The following ADGRL3 variants were observed in gnomAD, a reference collection of about 807,000 sequenced individuals.
ADGRL3 encodes calcium-independent alpha-latrotoxin receptor 3.
ADGRL3 carries 62 observed loss-of-function variants against 153.5 expected under a neutral mutation model. That is an observed-to-expected ratio of 0.40 (90% CI 0.33 to 0.50). The LOEUF (loss-of-function observed/expected upper bound fraction) is 0.50, where lower values mean the gene tolerates loss of function less well. Among genes scored for constraint, ADGRL3 ranks in the 20% least tolerant of loss-of-function variants. The pLI is 0.47. For synonymous variants in ADGRL3, 710 were observed against 672.5 expected, an observed-to-expected ratio of 1.06 and a Z score of -0.86; for missense variants, 1,641 against 1,859.4, an observed-to-expected ratio of 0.88 and a Z score of 2.16.
At chr4:61,294,101 C>T (rs2094322632) in intron 1 of ADGRL3, among the ~76,000 whole-genome samples, 1 of 152,066 alleles carries the variant, frequency 6.6e-6, no homozygotes, top group Admixed American at 6.6e-5. Flanking sequence ...GAAAATACTT[C>T]GAAATTGGAA....
intron 6 of ADGRL3, among the ~76,000 whole-genome samples, chr4:61,728,553 A>G (rs1192866460): frequency 1.3e-5 from 2 of 152,120 alleles, no homozygotes; most frequent in Non-Finnish European, 2.9e-5. Context: ...AGAAGTTAAG[A>G]TATTTCCACT....
intron 25 of ADGRL3, among the ~76,000 whole-genome samples, chr4:62,045,631 A>G (rs2058764): frequency 0.88 from 133,348 of 151,874 alleles, 59,482 homozygotes; most frequent in Non-Finnish European, 0.95. Flanking sequence ...AAGAAGTTAG[A>G]ACGGGCAGTG....
chr4:61,960,710 T>C (rs966358392), intron 17 of ADGRL3, among the ~76,000 whole-genome samples: 8 of 152,094 alleles, frequency 5.3e-5, no homozygotes, highest in Non-Finnish European at 8.8e-5. Flanking sequence ...TTTTGTTTTG[T>C]TTTGTTTTAT....
chr4:61,691,030 A>C (rs1000543177), intron 6 of ADGRL3, among the ~76,000 whole-genome samples: 5 of 152,198 alleles, frequency 3.3e-5, no homozygotes, highest in Admixed American at 6.5e-5. Context: ...ACTGCTCTGC[A>C]ACAGATGGCT....
chr4:61,897,086 T>C (rs1472923942), intron 11 of ADGRL3, among the ~76,000 whole-genome samples: 3 of 152,234 alleles, frequency 2.0e-5, no homozygotes, highest in South Asian at 2.1e-4. Context: ...TTTTCTTTTC[T>C]CTGCAGCCCA....
chr4:61,889,634 T>C (rs1419207371), intron 9 of ADGRL3, among the ~76,000 whole-genome samples: 2 of 152,356 alleles, frequency 1.3e-5, no homozygotes, highest in African/African-American at 4.8e-5. Flanking sequence ...GTGCTGTTGT[T>C]AAATTATGTT....
chr4:62,064,136 G>T (rs549365071), intron 25 of ADGRL3, among the ~76,000 whole-genome samples: 1 of 152,180 alleles, frequency 6.6e-6, no homozygotes, highest in South Asian at 2.1e-4. Context: ...ATTGAACTAA[G>T]CAGTGGAGGA....
chr4:61,526,164 A>G (rs1020321884), intron 4 of ADGRL3, among the ~76,000 whole-genome samples: 1 of 152,156 alleles, frequency 6.6e-6, no homozygotes, highest in African/African-American at 2.4e-5. Flanking sequence ...GCCTCTGCTA[A>G]TGCTAATCCA....
At chr4:61,614,690 C>A (rs2091795874) in intron 5 of ADGRL3, among the ~76,000 whole-genome samples, 1 of 152,156 alleles carries the variant, frequency 6.6e-6, no homozygotes, top group South Asian at 2.1e-4. Context: ...AAAGTCACTT[C>A]ATAAAATAAG....
chr4:61,616,540 G>A (rs2092023234), intron 5 of ADGRL3, among the ~76,000 whole-genome samples: 1 of 152,034 alleles, frequency 6.6e-6, no homozygotes, highest in African/African-American at 2.4e-5. Flanking sequence ...TTGATTAGTT[G>A]AAGATTAAAA....
At chr4:62,067,548 T>A (rs1253147185) in intron 25 of ADGRL3, among the ~76,000 whole-genome samples, 1 of 151,964 alleles carries the variant, frequency 6.6e-6, no homozygotes, top group African/African-American at 2.4e-5. Flanking sequence ...GAATATGAGC[T>A]CCAAAAATGA....
chr4:61,985,312 A>T (rs1276167072), intron 19 of ADGRL3, among the ~76,000 whole-genome samples: 1 of 152,036 alleles, frequency 6.6e-6, no homozygotes, highest in East Asian at 1.9e-4. Flanking sequence ...AGTGTGAAGA[A>T]AAGGACAGGC....
At chr4:61,536,956 A>G (rs9992329) in intron 4 of ADGRL3, among the ~76,000 whole-genome samples, 32,403 of 152,052 alleles carry the variant, frequency 0.21, 3,691 homozygotes, top group Admixed American at 0.31. Flanking sequence ...TCTCAATTAT[A>G]TAACTGCTTT....
intron 2 of ADGRL3, among the ~76,000 whole-genome samples, chr4:61,451,770 A>T (rs2097677122): frequency 1.3e-5 from 2 of 152,246 alleles, no homozygotes; most frequent in South Asian, 4.1e-4. Flanking sequence ...TCATTTCATA[A>T]CCTAGTTTTG....
intron 6 of ADGRL3, among the ~76,000 whole-genome samples, chr4:61,715,624 G>C (rs985788927): frequency 6.6e-6 from 1 of 151,884 alleles, no homozygotes; most frequent in East Asian, 1.9e-4. Flanking sequence ...AAAAATTCTG[G>C]CATGTATCTA....
At chr4:61,314,018 A>T (rs1376653574) in intron 1 of ADGRL3, among the ~76,000 whole-genome samples, 1 of 152,126 alleles carries the variant, frequency 6.6e-6, no homozygotes, top group Non-Finnish European at 1.5e-5. Context: ...CACAGGGAGA[A>T]TGTGCAAGCT....
intron 2 of ADGRL3, among the ~76,000 whole-genome samples, chr4:61,453,046 G>A (rs565607619): frequency 2.6e-5 from 4 of 152,218 alleles, no homozygotes; most frequent in South Asian, 2.1e-4. Context: ...TGGCCCAGTA[G>A]TTCAGAAGTA....
intron 8 of ADGRL3, among the ~76,000 whole-genome samples, chr4:61,747,193 C>A (rs368498599): frequency 0.086 from 12,913 of 151,006 alleles, 1,128 homozygotes; most frequent in African/African-American, 0.23. Context: ...CAATAACAGG[C>A]TCTGAAATTG....
At position 61,393,872 on chromosome 4, in the gene ADGRL3, C is replaced by T. The variant is rs79506033; in HGVS notation, c.-174+10683C>T. ...TTAGTGTCTGGTGTGCATAAGACCTCGGCTGTGTTGTGGAGTAATAATGTC... is the reference window on the plus strand; with the variant it reads ...TTAGTGTCTGGTGTGCATAAGACCTTGGCTGTGTTGTGGAGTAATAATGTC... On this transcript the variant is annotated intron_variant, in intron 2 of 26. Coordinates refer to ENST00000683033, the MANE Select transcript of ADGRL3 (RefSeq NM_001387552.1). Among the ~76,000 whole-genome samples the T allele has an allele frequency of 7.6e-3, 1,154 of 152,120 alleles. 14 individuals are homozygous for T. The highest frequency in any genetic ancestry group is 0.026 in the African/African-American group (1,079 of 41,490).
Sources: allele counts gnomAD v4.1 joint callset (sites outside exome capture counted in the v4.1 genomes callset), GRCh38; gene constraint gnomAD v4.1.1; transcripts MANE v1.5; gene names NCBI Gene and HGNC (gene_info 2026-07-23, HGNC 2026-07-21).